CFAP54: variants seen among roughly 807,000 people sequenced by gnomAD.
CFAP54 encodes the protein cilia- and flagella-associated protein 54.
A neutral mutation model predicts 370.4 loss-of-function variants in CFAP54; 290 were observed. The observed-to-expected ratio is 0.78, with a 90% CI of 0.71 to 0.86. The LOEUF is 0.86. CFAP54 is among the 40% of genes least tolerant of loss of function. CFAP54 has a pLI of 0.00. For missense variants in CFAP54, 3,399 were observed against 3,528.7 expected (o/e 0.96, Z 0.93); for synonymous variants, 1,206 against 1,236.5 (o/e 0.98, Z 0.52).
At chr12:96,581,392 T>G (rs1956031113) in intron 22 of CFAP54, among the ~76,000 whole-genome samples, 1 of 152,128 alleles carries the variant, frequency 6.6e-6, no homozygotes, top group South Asian at 2.1e-4. Flanking sequence ...AGAAAATAAA[T>G]GTTATCTGTT....
At chr12:96,790,130 G>A (rs1958673989) in intron 62 of CFAP54, among the ~76,000 whole-genome samples, 1 of 152,070 alleles carries the variant, frequency 6.6e-6, no homozygotes, top group African/African-American at 2.4e-5. Flanking sequence ...GAAAAACAAA[G>A]GTGGCAAACA....
chr12:96,772,445 G>A (rs950340297), intron 60 of CFAP54, among the ~76,000 whole-genome samples: 3 of 152,092 alleles, frequency 2.0e-5, no homozygotes, highest in Non-Finnish European at 2.9e-5. Context: ...AGCCAGCAGC[G>A]TAGCATCTCC....
intron 64 of CFAP54, 81 bp downstream of exon 64, chr12:96,811,923 T>A: frequency 2.5e-6 from 2 of 812,504 alleles, no homozygotes; most frequent in Non-Finnish European, 3.7e-6. Context: ...TGGCAAGGTG[T>A]AGCATAGGAG....
intron 55 of CFAP54, among the ~76,000 whole-genome samples, chr12:96,744,758 T>TA (rs772667035): frequency 3.9e-5 from 6 of 152,210 alleles, no homozygotes; most frequent in Non-Finnish European, 7.3e-5. Context: ...GCAGGTTTGC[T>TA]ATATAGGTAA....
intron 63 of CFAP54, among the ~76,000 whole-genome samples, chr12:96,801,939 C>T (rs1958823809): frequency 6.6e-6 from 1 of 152,158 alleles, no homozygotes; most frequent in South Asian, 2.1e-4. Context: ...GGATAATACT[C>T]ACTGCCCTCC....
At chr12:96,562,261 T>C (rs920678441) in intron 17 of CFAP54, among the ~76,000 whole-genome samples, 1 of 152,086 alleles carries the variant, frequency 6.6e-6, no homozygotes, top group African/African-American at 2.4e-5. Context: ...ATTAAACCAA[T>C]ACCACTATTA....
chr12:96,813,273 C>T (rs896322998), intron 64 of CFAP54, among the ~76,000 whole-genome samples: 2 of 152,148 alleles, frequency 1.3e-5, no homozygotes, highest in Non-Finnish European at 2.9e-5. Flanking sequence ...GAGGACCATG[C>T]CCAACAATCT....
At chr12:96,769,008 A>G (rs1958429284) in intron 60 of CFAP54, among the ~76,000 whole-genome samples, 1 of 152,338 alleles carries the variant, frequency 6.6e-6, no homozygotes, top group South Asian at 2.1e-4. Context: ...TCTATAGCAC[A>G]GTAAGAGAGT....
rs1205699879 is a variant in CFAP54 at position 96,584,636 on chromosome 12, A to AT, written c.3075+3532dup. On this transcript the variant is annotated intron_variant, in intron 22 of 67. Coordinates refer to ENST00000524981, the MANE Select transcript of CFAP54 (RefSeq NM_001306084.2). ...ATGTCATCACTTCATCCTTTGAAAT[A>AT]TGTTTTTTTTTTTTATCAATCTCAT... Among the ~76,000 whole-genome samples, 243 of 124,636 alleles carry AT rather than the reference A, an allele frequency of 1.9e-3. 1 individual carries two copies. Among genetic ancestry groups the AT allele is most frequent in the African/African-American group, 6.5e-3 (235 of 35,976 alleles). 81.8% of individuals were successfully genotyped at this position (124,636 alleles called of 152,430 possible).
Position 96,786,730 on chromosome 12 carries a change from C to T in CFAP54, c.8511C>T (p.Ser2837=), listed in dbSNP as rs1018378274. 7 of 1,535,836 alleles carry T rather than the reference C, an allele frequency of 4.6e-6. No homozygotes were observed. Among genetic ancestry groups the T allele is most frequent in the Admixed American group, 2.0e-5 (1 of 50,966 alleles). Residue 2837 remains serine (S), a synonymous_variant, in exon 62 of 68, where the codon TCC becomes TCT. Coordinates refer to ENST00000524981, the MANE Select transcript of CFAP54 (RefSeq NM_001306084.2). ...TGCCAGATGATACACTTCTCACATC[C>T]CTTTACAACTCTGAGTTGATTTTGC... ...ISLPDDTLLT[S]LYNSELILRQ...
At chr12:96,526,088 T>C (rs1955377723) in intron 8 of CFAP54, among the ~76,000 whole-genome samples, 1 of 152,194 alleles carries the variant, frequency 6.6e-6, no homozygotes, top group South Asian at 2.1e-4. Flanking sequence ...CAAGGCAACT[T>C]TATCCCTGCT....
intron 65 of CFAP54, among the ~76,000 whole-genome samples, chr12:96,826,549 A>C (rs1461767443): frequency 1.3e-5 from 1 of 78,538 alleles, no homozygotes; most frequent in East Asian, 4.2e-4. Context: ...TATATAATTT[A>C]TATATAATAT....
chr12:96,558,616 C>T (rs896076371), intron 17 of CFAP54, among the ~76,000 whole-genome samples: 4 of 152,062 alleles, frequency 2.6e-5, no homozygotes, highest in Non-Finnish European at 5.9e-5. Context: ...TTTTGACAAA[C>T]ATACACTGGA....
At chr12:96,592,788 A>T (rs200067940) in intron 24 of CFAP54, among the ~76,000 whole-genome samples, 151 bp downstream of exon 24, 1 of 152,140 alleles carries the variant, frequency 6.6e-6, no homozygotes, top group Non-Finnish European at 1.5e-5. Flanking sequence ...GTGATATTTC[A>T]TATAAGTTTC....
At chr12:96,797,348 G>A (rs1273203749) in intron 63 of CFAP54, among the ~76,000 whole-genome samples, 3 of 151,920 alleles carry the variant, frequency 2.0e-5, no homozygotes, top group African/African-American at 7.2e-5. Flanking sequence ...GGCCAGTCTT[G>A]TTCAAATCAT....
intron 26 of CFAP54, among the ~76,000 whole-genome samples, chr12:96,616,438 C>T (rs891647810): frequency 2.0e-5 from 3 of 152,266 alleles, no homozygotes; most frequent in African/African-American, 7.2e-5. Context: ...GCGCAGCACA[C>T]CAACATGGCA....
At chr12:96,726,128 T>C (rs1957831657) in intron 50 of CFAP54, among the ~76,000 whole-genome samples, 1 of 150,778 alleles carries the variant, frequency 6.6e-6, no homozygotes, top group African/African-American at 2.4e-5. Flanking sequence ...GATATTGGTC[T>C]AAAATTCTCT....
At chr12:96,834,678 G>A (rs1350757981) in intron 66 of CFAP54, among the ~76,000 whole-genome samples, 1 of 152,210 alleles carries the variant, frequency 6.6e-6, no homozygotes, top group Non-Finnish European at 1.5e-5. Context: ...AACAGCCTTG[G>A]CTTGGGGATC....
intron 1 of CFAP54, among the ~76,000 whole-genome samples, chr12:96,498,556 G>A (rs1282172179): frequency 6.6e-6 from 1 of 152,202 alleles, no homozygotes; most frequent in East Asian, 1.9e-4. Context: ...GGGAGGCTGA[G>A]GCAGGAGAAT....
Sources: allele counts gnomAD v4.1 joint callset (sites outside exome capture counted in the v4.1 genomes callset), GRCh38; gene constraint gnomAD v4.1.1; transcripts MANE v1.5; gene names NCBI Gene and HGNC (gene_info 2026-07-23, HGNC 2026-07-21).